Variants in LINC00632 observed in about 807,000 individuals in gnomAD.
LINC00632 encodes the protein long independently transcribed non-coding RNA 632.
intron 2 of LINC00632, among the ~76,000 whole-genome samples, chrX:140,721,595 G>A (rs941819540): frequency 8.1e-5 from 9 of 110,500 alleles, no homozygotes; most frequent in African/African-American, 2.3e-4. Context: ...CTCACTGCTC[G>A]CCTCCTGCTG....
rs147339614 is a variant in LINC00632, at chrX:140,772,309, T to C, written n.423T>C. The stretch of plus-strand genomic sequence containing the variant: ...TCTACTCTTGTTCTTCTGCTTGTTA[T>C]TGTTGCCTCTGCAGCCATTGATCAC... On this transcript the variant is annotated non_coding_transcript_exon_variant, in exon 4 of 5. Transcript: ENST00000648200. 17 of 294,411 alleles carry C rather than the reference T, an allele frequency of 5.8e-5. 1 individual carries two copies. Among genetic ancestry groups the C allele is most frequent in the African/African-American group, 3.1e-4 (11 of 36,050 alleles). The allele number at this position is 294,411 out of a possible 1,213,427, so 24.3% of individuals were successfully genotyped here. A position where few individuals can be genotyped will look rare whatever the true frequency, so the allele number is the denominator to read the frequency against.
intron 3 of LINC00632, among the ~76,000 whole-genome samples, chrX:140,769,962 C>G (rs1291779567): frequency 1.8e-5 from 2 of 111,638 alleles, no homozygotes; most frequent in African/African-American, 3.3e-5. Flanking sequence ...CAAGGCATTC[C>G]CAAATGATTA....
At chrX:140,766,136 A>C (rs1031484674) in intron 3 of LINC00632, among the ~76,000 whole-genome samples, 1 of 111,822 alleles carries the variant, frequency 8.9e-6, no homozygotes, top group Non-Finnish European at 1.9e-5. Context: ...CGGCATCGCC[A>C]AACGGGGGTC....
At chrX:140,783,947 T>C (rs757654637) in exon 5 of LINC00632, 1 of 1,208,384 alleles carries the variant, frequency 8.3e-7, no homozygotes, top group Non-Finnish European at 1.1e-6. Context: ...TTCCAGAAAA[T>C]CCACATCTTC....
intron 3 of LINC00632, among the ~76,000 whole-genome samples, chrX:140,756,973 G>C (rs777022458): frequency 9.0e-6 from 1 of 111,479 alleles, no homozygotes; most frequent in East Asian, 2.9e-4. Flanking sequence ...TGTTTGCAGC[G>C]ACTCCCTATC....
intron 3 of LINC00632, among the ~76,000 whole-genome samples, chrX:140,755,764 C>A (rs1055598433): frequency 7.2e-5 from 8 of 111,096 alleles, no homozygotes; most frequent in African/African-American, 2.6e-4. Flanking sequence ...TATCTCCATT[C>A]CCCTGGCATT....
chrX:140,760,895 G>T (rs1388449060), intron 3 of LINC00632, among the ~76,000 whole-genome samples: 2 of 111,747 alleles, frequency 1.8e-5, no homozygotes, highest in Non-Finnish European at 3.8e-5. Flanking sequence ...AAACAGTAAG[G>T]TTCACCTGTG....
intron 2 of LINC00632, among the ~76,000 whole-genome samples, chrX:140,718,403 G>C (rs1299738464): frequency 9.7e-6 from 1 of 102,699 alleles, no homozygotes; most frequent in Non-Finnish European, 1.9e-5. Context: ...CATATTGACT[G>C]CACCTATTCT....
Position 140,765,875 on chromosome X carries a change from G to C in LINC00632, n.192-6203G>C, listed in dbSNP as rs781703507. ...TTATAAATGCTTCTTTTTGTCTTAT[G>C]CGGGCCAGTGAAAAATGAGGTAAGA... On this transcript the variant is annotated intron_variant and non_coding_transcript_variant, in intron 3 of 4. Transcript: ENST00000648200. 2.7e-5 allele frequency among the ~76,000 whole-genome samples: 3 copies of C among 111,982 alleles called. No individual in the cohort carries two copies. The Admixed American group carries it at 2.8e-4, about 11-fold the overall frequency.
intron 2 of LINC00632, among the ~76,000 whole-genome samples, chrX:140,715,620 C>G (rs183941799): frequency 4.7e-5 from 5 of 106,318 alleles, no homozygotes; most frequent in Non-Finnish European, 7.9e-5. Context: ...AAGAAAGAAA[C>G]AAACAAGAAA....
At chrX:140,742,412 G>T (rs1931237680) in intron 3 of LINC00632, among the ~76,000 whole-genome samples, 1 of 111,523 alleles carries the variant, frequency 9.0e-6, no homozygotes, top group Non-Finnish European at 1.9e-5. Context: ...TATTGGCAAA[G>T]TGAGGATTAT....
intron 2 of LINC00632, among the ~76,000 whole-genome samples, chrX:140,728,932 G>A (rs1602738363): frequency 1.8e-5 from 2 of 110,560 alleles, no homozygotes; most frequent in African/African-American, 6.6e-5. Flanking sequence ...AAAAATGTAC[G>A]TGACAATTCA....
chrX:140,720,717 A>G (rs1435243625), intron 2 of LINC00632, among the ~76,000 whole-genome samples: 1 of 112,066 alleles, frequency 8.9e-6, no homozygotes. Context: ...AACTTATCCC[A>G]TGACACCCAG....
chrX:140,784,965 AC>A (rs1406944097), exon 5 of LINC00632: 1 of 122,668 alleles, frequency 8.2e-6, no homozygotes, highest in Non-Finnish European at 1.9e-5. Context: ...TGCAGAATAA[AC>A]AGATAGGACT....
intron 1 of LINC00632, chrX:140,709,885 G>A (rs1930480371): frequency 1.3e-5 from 4 of 313,834 alleles, no homozygotes; most frequent in South Asian, 9.0e-5. Context: ...TGAGGGAATA[G>A]AATAATGCAA....
chrX:140,783,750 C>T (rs780819654), exon 5 of LINC00632: 16 of 1,208,911 alleles, frequency 1.3e-5, no homozygotes, highest in South Asian at 7.1e-5. Context: ...GGAAAAAATC[C>T]AGGTCTTCCA....
chrX:140,765,448 T>C (rs1329795770), intron 3 of LINC00632, among the ~76,000 whole-genome samples: 1 of 112,043 alleles, frequency 8.9e-6, no homozygotes, highest in African/African-American at 3.2e-5. Context: ...AATTAGTATT[T>C]AGGAACCCCT....
At chrX:140,783,007 T>C (rs1427816727) in exon 5 of LINC00632, 1 of 113,768 alleles carries the variant, frequency 8.8e-6, no homozygotes, top group Non-Finnish European at 1.8e-5. Context: ...GTACAGGACT[T>C]ACAATATCTC....
intron 2 of LINC00632, among the ~76,000 whole-genome samples, chrX:140,724,602 T>TAC (rs377464463): frequency 1.3e-3 from 16 of 12,541 alleles, no homozygotes; most frequent in Non-Finnish European, 2.6e-3. Flanking sequence ...ACACATTCTG[T>TAC]ACACACACAC....
Sources: allele counts gnomAD v4.1 joint callset (sites outside exome capture counted in the v4.1 genomes callset), GRCh38; gene constraint gnomAD v4.1.1; transcripts MANE v1.5; gene names NCBI Gene and HGNC (gene_info 2026-07-23, HGNC 2026-07-21).